COMMD1: variants seen among roughly 807,000 people sequenced by gnomAD.
COMMD1 encodes copper metabolism domain containing 1.
Under a neutral mutation model 17.2 loss-of-function variants are expected in COMMD1, and 10 were observed. That is an observed-to-expected ratio of 0.58 (90% CI 0.36 to 0.99). The LOEUF is 0.99. Among genes scored for constraint, COMMD1 ranks in the 50% least tolerant of loss-of-function variants. COMMD1 has a pLI of 0.01. For missense variants in COMMD1, 270 were observed against 231.8 expected (o/e 1.17, Z -1.07); for synonymous variants, 97 against 91.6 (o/e 1.06, Z -0.34).
At chr2:61,935,088 C>G (rs1230075682) in intron 1 of COMMD1, among the ~76,000 whole-genome samples, 1 of 152,164 alleles carries the variant, frequency 6.6e-6, no homozygotes, top group East Asian at 1.9e-4. Context: ...TCAAGTCATC[C>G]AGCTTCAGCT....
At chr2:61,902,724 C>T (rs990405955), upstream of COMMD1, among the ~76,000 whole-genome samples, 1 of 152,202 alleles carries the variant, frequency 6.6e-6, no homozygotes, top group Non-Finnish European at 1.5e-5. Context: ...AGTGTGTGCT[C>T]ATATTCCCAG....
At chr2:61,982,099 T>C (rs1379618869) in intron 1 of COMMD1, among the ~76,000 whole-genome samples, 1 of 152,248 alleles carries the variant, frequency 6.6e-6, no homozygotes, top group Non-Finnish European at 1.5e-5. Context: ...TCAACAATAT[T>C]GATTCTTCCA....
At chr2:62,109,081 A>C (rs1031783073) in intron 2 of COMMD1, among the ~76,000 whole-genome samples, 1 of 152,198 alleles carries the variant, frequency 6.6e-6, no homozygotes, top group Non-Finnish European at 1.5e-5. Flanking sequence ...AGAGATACCC[A>C]AAAGGGCAGT....
At chr2:62,045,801 C>T (rs1190521026) in intron 2 of COMMD1, among the ~76,000 whole-genome samples, 1 of 147,570 alleles carries the variant, frequency 6.8e-6, no homozygotes, top group Non-Finnish European at 1.5e-5. Context: ...GCAGTGGCGC[C>T]ATCTCGGCCC....
intron 1 of COMMD1, among the ~76,000 whole-genome samples, chr2:61,967,590 C>CA (rs1222801971): frequency 6.6e-6 from 1 of 152,178 alleles, no homozygotes; most frequent in Non-Finnish European, 1.5e-5. Context: ...GGGCCTGATA[C>CA]ATAGTAGGCA....
chr2:61,942,760 A>T (rs1469624550), intron 1 of COMMD1, among the ~76,000 whole-genome samples: 1 of 143,884 alleles, frequency 7.0e-6, no homozygotes. Flanking sequence ...CTGGTCTTGA[A>T]CTTCTGACCT....
intron 1 of COMMD1, among the ~76,000 whole-genome samples, chr2:61,963,440 T>C: frequency 6.6e-6 from 1 of 152,118 alleles, no homozygotes; most frequent in East Asian, 1.9e-4. Flanking sequence ...CACTGCAACC[T>C]GGGCCACCCC....
chr2:62,113,796 G>A (rs962301412), intron 2 of COMMD1, among the ~76,000 whole-genome samples: 3 of 152,230 alleles, frequency 2.0e-5, no homozygotes, highest in African/African-American at 7.2e-5. Flanking sequence ...TTTCTCAGAG[G>A]CAGACTAAAA....
intron 2 of COMMD1, among the ~76,000 whole-genome samples, chr2:62,123,664 A>G (rs1013189330): frequency 1.3e-5 from 2 of 151,918 alleles, no homozygotes; most frequent in African/African-American, 2.4e-5. Flanking sequence ...TATAGGAATT[A>G]TAGAGTAAGG....
intron 2 of COMMD1, among the ~76,000 whole-genome samples, chr2:62,109,130 T>C (rs1672389642): frequency 6.6e-6 from 1 of 152,222 alleles, no homozygotes; most frequent in African/African-American, 2.4e-5. Context: ...TGCTTGATAA[T>C]GACTTAATTG....
At chr2:62,082,933 C>T (rs1004651487) in intron 2 of COMMD1, among the ~76,000 whole-genome samples, 11 of 152,050 alleles carry the variant, frequency 7.2e-5, no homozygotes, top group Non-Finnish European at 1.6e-4. Context: ...TCCAATTCCC[C>T]TTTTTAGCAT....
chr2:62,094,458 G>T (rs1671943819), intron 2 of COMMD1, among the ~76,000 whole-genome samples: 1 of 152,146 alleles, frequency 6.6e-6, no homozygotes, highest in African/African-American at 2.4e-5. Flanking sequence ...TAACCAGTTG[G>T]TCTGTGATTG....
chr2:61,943,400 G>A (rs1670805385), intron 1 of COMMD1, among the ~76,000 whole-genome samples: 1 of 152,150 alleles, frequency 6.6e-6, no homozygotes, highest in South Asian at 2.1e-4. Flanking sequence ...GAACTGAGCT[G>A]TGCCTTAAGG....
rs1315345165 is a variant in COMMD1, at chr2:61,980,956, G to A, written c.181-19745G>A. 2.0e-5 allele frequency among the ~76,000 whole-genome samples: 3 copies of A among 152,062 alleles called. No homozygotes were observed. In the East Asian group the frequency reaches 5.8e-4, roughly 29 times the overall value. On this transcript the variant is annotated intron_variant, in intron 1 of 2. Coordinates refer to ENST00000311832, the MANE Select transcript of COMMD1 (RefSeq NM_152516.4). ...GTTTGCCTTTTTTATTTCTTTTTTT[G>A]AGAAATGTCTGTTCAGCTTTTTTTG...
intron 2 of COMMD1, among the ~76,000 whole-genome samples, chr2:62,017,880 A>C (rs937733860): frequency 6.6e-6 from 1 of 151,868 alleles, no homozygotes; most frequent in Non-Finnish European, 1.5e-5. Flanking sequence ...CCATCTCTAC[A>C]AAAAATTTTT....
intron 1 of COMMD1, among the ~76,000 whole-genome samples, chr2:61,919,472 C>T (rs904474786): frequency 2.0e-5 from 3 of 151,274 alleles, no homozygotes; most frequent in African/African-American, 7.3e-5. Flanking sequence ...TGCACTACTA[C>T]ACCTAACTAA....
At chr2:62,047,345 A>G (rs184221723) in intron 2 of COMMD1, among the ~76,000 whole-genome samples, 6 of 152,326 alleles carry the variant, frequency 3.9e-5, no homozygotes, top group East Asian at 1.9e-4. Flanking sequence ...TATAAATTCT[A>G]CAGTAGTATA....
chr2:61,915,555 C>G (rs532459515), intron 1 of COMMD1: 6 of 287,108 alleles, frequency 2.1e-5, no homozygotes, highest in African/African-American at 9.0e-5. Flanking sequence ...GTGGCATGAT[C>G]ATGTCTCACT....
intron 2 of COMMD1, among the ~76,000 whole-genome samples, chr2:62,050,278 T>A (rs765780348): frequency 2.6e-5 from 4 of 152,192 alleles, no homozygotes; most frequent in Non-Finnish European, 5.9e-5. Context: ...CTTTCTGGCT[T>A]TTTATTTATT....
Sources: allele counts gnomAD v4.1 joint callset (sites outside exome capture counted in the v4.1 genomes callset), GRCh38; gene constraint gnomAD v4.1.1; transcripts MANE v1.5; gene names NCBI Gene and HGNC (gene_info 2026-07-23, HGNC 2026-07-21).